TSPAN9: variants seen among roughly 807,000 people sequenced by gnomAD.
The protein encoded by TSPAN9 is tetraspanin 9, also known as tetraspanin-9.
TSPAN9 carries 16 observed loss-of-function variants against 31.0 expected under a neutral mutation model. That is an observed-to-expected ratio of 0.52 (90% CI 0.35 to 0.78). The LOEUF is 0.78. Among genes scored for constraint, TSPAN9 ranks in the 30% least tolerant of loss-of-function variants. TSPAN9 has a pLI of 0.01. For missense variants in TSPAN9, 272 were observed against 312.5 expected (o/e 0.87, Z 0.98); for synonymous variants, 145 against 121.6 (o/e 1.19, Z -1.27).
Position 3,283,121 on chromosome 12 carries a change from G to C in TSPAN9, c.*5G>C. The C allele has an allele frequency of 1.2e-6, 2 of 1,607,470 alleles. No individual in the cohort carries two copies. Among genetic ancestry groups the C allele is most frequent in the Non-Finnish European group, 1.7e-6 (2 of 1,179,898 alleles). On this transcript the variant is annotated 3_prime_UTR_variant, in exon 9 of 9. Transcript: ENST00000011898. ...GGTAAGAAGTACGACGCATGAGCGGGCTGGCCGGGAGTGCCCACCCCGCCC... is the reference window on the plus strand; with the variant it reads ...GGTAAGAAGTACGACGCATGAGCGGCCTGGCCGGGAGTGCCCACCCCGCCC...
At chr12:3,253,248 T>C (rs1384071035) in intron 3 of TSPAN9, among the ~76,000 whole-genome samples, 1 of 152,072 alleles carries the variant, frequency 6.6e-6, no homozygotes, top group African/African-American at 2.4e-5. Flanking sequence ...AAAAAGACGA[T>C]AGGAAAAATG....
Position 3,226,742 on chromosome 12 carries a change from GTGTATATATATATATATA to G in TSPAN9, c.63+25488_63+25505del, listed in dbSNP as rs2098387708. On this transcript the variant is annotated intron_variant, in intron 3 of 8. Coordinates refer to ENST00000011898, the MANE Select transcript of TSPAN9 (RefSeq NM_006675.5). ...TATGTGTGTGTGTGTGTGTGTGTGT[GTGTATATATATATATATA>G]TATATATATATATATATATATATAT... is the stretch of plus-strand genomic sequence containing the variant. Among the ~76,000 whole-genome samples, 24 of 3,302 alleles carry G rather than the reference GTGTATATATATATATATA, an allele frequency of 7.3e-3. 2 individuals carry two copies. Among genetic ancestry groups the G allele is most frequent in the Admixed American group, 0.016 (3 of 190 alleles). 2.2% of individuals were successfully genotyped at this position (3,302 alleles called of 152,430 possible).
At chr12:3,135,828 C>T (rs2098331873) in intron 2 of TSPAN9, among the ~76,000 whole-genome samples, 1 of 152,210 alleles carries the variant, frequency 6.6e-6, no homozygotes, top group Non-Finnish European at 1.5e-5. Context: ...CTCAGACGTA[C>T]CCTGTGTCCA....
chr12:3,126,338 C>G (rs1444348063), intron 2 of TSPAN9, among the ~76,000 whole-genome samples: 6 of 152,174 alleles, frequency 3.9e-5, no homozygotes, highest in African/African-American at 1.4e-4. Context: ...ATGGTATGGC[C>G]TACGGCACAC....
intron 2 of TSPAN9, among the ~76,000 whole-genome samples, chr12:3,182,834 G>T (rs1447344335): frequency 7.1e-4 from 108 of 152,288 alleles, no homozygotes; most frequent in Non-Finnish European, 4.4e-5. Flanking sequence ...TAGAATTGGG[G>T]CAGGCAGAGA....
At position 3,147,382 on chromosome 12, in the gene TSPAN9, G is replaced by A. The variant is rs1468796840; in HGVS notation, c.-17-53795G>A. ...TGCATCCTGCTGAGTGTTGGGGCCC[G>A]GGAGACCCTCGCCGAGGAGCAAGGT... On this transcript the variant is annotated intron_variant, in intron 2 of 8. Coordinates refer to ENST00000011898, the MANE Select transcript of TSPAN9 (RefSeq NM_006675.5). The surrounding 1 kb of genome is among the most constrained non-coding windows in gnomAD (Gnocchi z 4.3). Among the ~76,000 whole-genome samples the A allele has an allele frequency of 9.2e-5, 14 of 152,190 alleles. No individual in the cohort carries two copies. The highest frequency in any genetic ancestry group is 2.1e-4 in the South Asian group (1 of 4,826).
Position 3,280,234 on chromosome 12 carries a change from C to CTTCCT in TSPAN9, c.331-148_331-147insTTCCT. 1.5e-6 allele frequency: 1 copy of CTTCCT among 680,096 alleles called. No individual in the cohort carries two copies. The allele number at this position is 680,096 out of a possible 1,614,324, so 42.1% of individuals were successfully genotyped here. ...TGTTGGGCCAGCAGAGGCCCCCACC[C>CTTCCT]CAGTGGGCAGGGCCTTCCAGACCAG... is the stretch of plus-strand genomic sequence containing the variant. On this transcript the variant is annotated intron_variant, in intron 5 of 8. Transcript: ENST00000011898. This position sits in a 1 kb window ranked among gnomAD's most constrained non-coding sequence, Gnocchi z 4.5.
chr12:3,230,761 C>G (rs3782811), intron 3 of TSPAN9, among the ~76,000 whole-genome samples: 1 of 151,980 alleles, frequency 6.6e-6, no homozygotes, highest in African/African-American at 2.4e-5. Flanking sequence ...AGCACACCCC[C>G]GTTCTCATCC....
In TSPAN9 at chr12:3,102,749, G is replaced by GT. The variant is rs147572542; in HGVS notation, c.-18+19037dup. 1.6e-3 allele frequency among the ~76,000 whole-genome samples: 237 copies of GT among 152,160 alleles called. 1 individual carries two copies. Among genetic ancestry groups the GT allele is most frequent in the African/African-American group, 5.4e-3 (223 of 41,534 alleles). ...ACTGCGCCTGGCCCCAGGGAGGAATGTTTTTTTGAGAGCTATTGCACAGCA... is the reference window on the plus strand; with the variant it reads ...ACTGCGCCTGGCCCCAGGGAGGAATGTTTTTTTTGAGAGCTATTGCACAGCA... On this transcript the variant is annotated intron_variant, in intron 2 of 8. Coordinates refer to ENST00000011898, the MANE Select transcript of TSPAN9 (RefSeq NM_006675.5).
chr12:3,264,368 C>T (rs1328762844), intron 3 of TSPAN9, among the ~76,000 whole-genome samples: 34 of 152,332 alleles, frequency 2.2e-4, no homozygotes, highest in Admixed American at 1.6e-3. Flanking sequence ...GCTGGCTTTC[C>T]GCTTATCTTA....
At chr12:3,217,435 C>T (rs1432296134) in intron 3 of TSPAN9, among the ~76,000 whole-genome samples, 1 of 152,178 alleles carries the variant, frequency 6.6e-6, no homozygotes, top group African/African-American at 2.4e-5. Flanking sequence ...AATGAGCCAT[C>T]CTGCCCAGTG....
At chr12:3,152,544 G>A (rs966719655) in intron 2 of TSPAN9, among the ~76,000 whole-genome samples, 4 of 152,208 alleles carry the variant, frequency 2.6e-5, no homozygotes, top group Non-Finnish European at 5.9e-5. Context: ...ATGCTGGACT[G>A]GCTGTTTCTA....
intron 2 of TSPAN9, among the ~76,000 whole-genome samples, chr12:3,196,770 G>A (rs2098367264): frequency 6.6e-6 from 1 of 152,190 alleles, no homozygotes; most frequent in African/African-American, 2.4e-5. Context: ...CTACCTGCCT[G>A]TTGTTTCCCC....
At chr12:3,270,215 C>T (rs1813144533) in intron 3 of TSPAN9, among the ~76,000 whole-genome samples, 1 of 152,168 alleles carries the variant, frequency 6.6e-6, no homozygotes, top group African/African-American at 2.4e-5. Flanking sequence ...GATGCTGGCA[C>T]CCAAGAAAGT....
intron 2 of TSPAN9, among the ~76,000 whole-genome samples, chr12:3,104,925 G>A (rs905637642): frequency 5.3e-5 from 8 of 152,258 alleles, no homozygotes; most frequent in Admixed American, 1.3e-4. Flanking sequence ...GTGGACAGGC[G>A]TGTGGGGGTG....
At chr12:3,262,011 C>G (rs1375573597) in intron 3 of TSPAN9, among the ~76,000 whole-genome samples, 1 of 152,242 alleles carries the variant, frequency 6.6e-6, no homozygotes, top group African/African-American at 2.4e-5. Flanking sequence ...CAACAGAGGT[C>G]AGAGTTTCCT....
chr12:3,206,118 C>G (rs1276074819), intron 3 of TSPAN9, among the ~76,000 whole-genome samples: 1 of 152,184 alleles, frequency 6.6e-6, no homozygotes, highest in African/African-American at 2.4e-5. Context: ...AGAAAACACC[C>G]TCCGGCCTGC....
At chr12:3,257,162 CTT>C (rs1036457727) in intron 3 of TSPAN9, among the ~76,000 whole-genome samples, 4 of 152,020 alleles carry the variant, frequency 2.6e-5, no homozygotes, top group African/African-American at 9.7e-5. Flanking sequence ...GGGTCTTGGG[CTT>C]TTGTACCTGA....
At chr12:3,281,705 A>G (rs751394835) in intron 7 of TSPAN9, 29 bp from the exon 8 acceptor site, 1 of 1,604,350 alleles carries the variant, frequency 6.2e-7, no homozygotes, top group South Asian at 1.1e-5. Context: ...TTGGGCTGGG[A>G]CCCTAACCTC....
Sources: allele counts gnomAD v4.1 joint callset (sites outside exome capture counted in the v4.1 genomes callset), GRCh38; gene constraint gnomAD v4.1.1; non-coding constraint Gnocchi (gnomAD v3.1); transcripts MANE v1.5; gene names NCBI Gene and HGNC (gene_info 2026-07-23, HGNC 2026-07-21).